GPC5: variants seen among roughly 807,000 people sequenced by gnomAD.
GPC5 encodes the protein glypican-5.
A neutral mutation model predicts 53.9 loss-of-function variants in GPC5; 47 were observed. That is an observed-to-expected ratio of 0.87 (90% CI 0.69 to 1.11). GPC5 has a LOEUF of 1.11. Among genes scored for constraint, GPC5 ranks in the 50% most tolerant of loss-of-function variants. The probability of loss-of-function intolerance (pLI) is 0.00; values close to 1 mark genes in which losing one functional copy is unlikely to be tolerated. For synonymous variants in GPC5, 286 were observed against 263.3 expected, an observed-to-expected ratio of 1.09 and a Z score of -0.84; for missense variants, 748 against 713.1, an observed-to-expected ratio of 1.05 and a Z score of -0.56.
chr13:91,793,994 A>C (rs1277238224), intron 5 of GPC5, among the ~76,000 whole-genome samples: 3 of 152,186 alleles, frequency 2.0e-5, no homozygotes, highest in Non-Finnish European at 4.4e-5. Flanking sequence ...TTGAGACTTT[A>C]TGCTAAAATC....
intron 2 of GPC5, among the ~76,000 whole-genome samples, chr13:91,692,844 A>G (rs1012410425): frequency 1.3e-5 from 2 of 152,128 alleles, no homozygotes; most frequent in South Asian, 2.1e-4. Context: ...GGGTTTCCCC[A>G]TGTTGGTCTG....
At chr13:91,588,652 A>T (rs2032686342) in intron 2 of GPC5, among the ~76,000 whole-genome samples, 1 of 152,118 alleles carries the variant, frequency 6.6e-6, no homozygotes, top group African/African-American at 2.4e-5. Flanking sequence ...CCTGCCATTC[A>T]TCTCTAAACA....
At chr13:91,879,605 G>A (rs2060041327) in intron 5 of GPC5, among the ~76,000 whole-genome samples, 1 of 152,090 alleles carries the variant, frequency 6.6e-6, no homozygotes, top group Non-Finnish European at 1.5e-5. Context: ...GCTTTATAAG[G>A]TTGCTAATCC....
intron 5 of GPC5, among the ~76,000 whole-genome samples, chr13:91,852,445 G>C (rs1242770189): frequency 6.6e-6 from 1 of 151,072 alleles, no homozygotes; most frequent in Non-Finnish European, 1.5e-5. Flanking sequence ...GAAGATCCTA[G>C]GTGTCACTTT....
At chr13:92,341,036 G>T (rs2043362166) in intron 7 of GPC5, among the ~76,000 whole-genome samples, 1 of 151,868 alleles carries the variant, frequency 6.6e-6, no homozygotes, top group African/African-American at 2.4e-5. Flanking sequence ...TTTAAAATTT[G>T]GTAATAGACA....
At chr13:92,030,355 C>A (rs1237059766) in intron 6 of GPC5, among the ~76,000 whole-genome samples, 1 of 151,940 alleles carries the variant, frequency 6.6e-6, no homozygotes, top group African/African-American at 2.4e-5. Context: ...CTCCACCATC[C>A]TTTCCTCTTC....
intron 7 of GPC5, among the ~76,000 whole-genome samples, chr13:92,550,642 G>A (rs1053611547): frequency 2.6e-5 from 4 of 151,708 alleles, no homozygotes; most frequent in Non-Finnish European, 5.9e-5. Context: ...TCTATATTTT[G>A]ACTCATGTTT....
At chr13:92,167,457 A>G (rs1262944140) in intron 7 of GPC5, among the ~76,000 whole-genome samples, 4 of 152,214 alleles carry the variant, frequency 2.6e-5, no homozygotes, top group African/African-American at 7.2e-5. Context: ...TGAAGCTGTA[A>G]AAAATAGACT....
At chr13:92,691,913 A>G (rs544213069) in intron 7 of GPC5, among the ~76,000 whole-genome samples, 52 of 152,282 alleles carry the variant, frequency 3.4e-4, no homozygotes, top group African/African-American at 1.2e-3. Context: ...GTACATATAC[A>G]GGTTTTTTAC....
chr13:92,180,255 CT>C (rs2042137134), intron 7 of GPC5, among the ~76,000 whole-genome samples: 1 of 152,144 alleles, frequency 6.6e-6, no homozygotes, highest in African/African-American at 2.4e-5. Context: ...TTTAAATTAG[CT>C]TTTTAATTTC....
At chr13:91,962,325 G>A (rs1235690995) in intron 6 of GPC5, among the ~76,000 whole-genome samples, 2 of 152,062 alleles carry the variant, frequency 1.3e-5, no homozygotes, top group Non-Finnish European at 2.9e-5. Flanking sequence ...AAATCCCAAA[G>A]TTTTTTCTCA....
At chr13:92,833,951 A>G (rs538812379) in intron 7 of GPC5, among the ~76,000 whole-genome samples, 115 of 152,338 alleles carry the variant, frequency 7.5e-4, no homozygotes, top group African/African-American at 2.7e-3. Flanking sequence ...TCCAAAGATA[A>G]ATAGAACTCA....
intron 5 of GPC5, among the ~76,000 whole-genome samples, chr13:91,850,586 C>T (rs1173447664): frequency 6.6e-6 from 1 of 152,082 alleles, no homozygotes; most frequent in Non-Finnish European, 1.5e-5. Context: ...CTCTAGATTA[C>T]AGTATGTCAT....
chr13:92,273,412 T>C (rs2042853423), intron 7 of GPC5, among the ~76,000 whole-genome samples: 1 of 152,126 alleles, frequency 6.6e-6, no homozygotes, highest in Admixed American at 6.6e-5. Flanking sequence ...TTCACATTTG[T>C]AAACAGGGAT....
chr13:92,680,203 T>A (rs930933207), intron 7 of GPC5, among the ~76,000 whole-genome samples: 1 of 152,216 alleles, frequency 6.6e-6, no homozygotes, highest in Non-Finnish European at 1.5e-5. Context: ...ATTCTCAATG[T>A]ATTATCTGCT....
chr13:92,639,750 T>C (rs1424296609), intron 7 of GPC5, among the ~76,000 whole-genome samples: 2 of 152,282 alleles, frequency 1.3e-5, no homozygotes, highest in East Asian at 1.9e-4. Context: ...TTCTAGGATA[T>C]GGTAAAATGC....
intron 6 of GPC5, among the ~76,000 whole-genome samples, chr13:92,025,975 C>T (rs1281026868): frequency 2.6e-5 from 4 of 152,014 alleles, no homozygotes; most frequent in African/African-American, 9.7e-5. Flanking sequence ...AAAACTATTG[C>T]AATAAAATAC....
chr13:92,765,343 T>C (rs1486950916), intron 7 of GPC5, among the ~76,000 whole-genome samples: 1 of 152,232 alleles, frequency 6.6e-6, no homozygotes, highest in Non-Finnish European at 1.5e-5. Flanking sequence ...ATAGGGTTTT[T>C]ACCCTTGAGG....
chr13:92,412,917 A>G (rs1876112920), intron 7 of GPC5, among the ~76,000 whole-genome samples: 1 of 152,198 alleles, frequency 6.6e-6, no homozygotes, highest in African/African-American at 2.4e-5. Context: ...AAGAAATATA[A>G]AGATAGCCTG....
Sources: allele counts gnomAD v4.1 joint callset (sites outside exome capture counted in the v4.1 genomes callset), GRCh38; gene constraint gnomAD v4.1.1; transcripts MANE v1.5; gene names NCBI Gene and HGNC (gene_info 2026-07-23, HGNC 2026-07-21).